Variants in RBFOX1 observed in about 807,000 individuals in gnomAD.
RBFOX1 encodes the protein RNA binding protein fox-1 homolog 1.
A neutral mutation model predicts 57.7 loss-of-function variants in RBFOX1; 8 were observed. That is an observed-to-expected ratio of 0.14 (90% confidence interval 0.08 to 0.25). The LOEUF (loss-of-function observed/expected upper bound fraction) is 0.25, where lower values mean the gene tolerates loss of function less well. Ranked by LOEUF, RBFOX1 falls within the 10% of genes least tolerant of loss-of-function variation. The probability of loss-of-function intolerance (pLI) is 1.00; values close to 1 mark genes in which losing one functional copy is unlikely to be tolerated. For synonymous variants in RBFOX1, 326 were observed against 222.4 expected, an observed-to-expected ratio of 1.47 and a Z score of -4.15; for missense variants, 611 against 548.5, an observed-to-expected ratio of 1.11 and a Z score of -1.14.
intron 4 of RBFOX1, among the ~76,000 whole-genome samples, chr16:7,123,888 C>G (rs746246913): frequency 6.4e-4 from 97 of 152,166 alleles, no homozygotes; most frequent in African/African-American, 2.3e-3. Context: ...TAAGAACATG[C>G]CACAGTCTGC....
rs542476394 is a variant in RBFOX1, at chr16:7,093,586, G to A, written c.27+41488G>A. ...CCCTCATGAACATCTCAAACTTCTCGTTGATTAGAGGGAAACTGGATGGAT... is the reference window on the plus strand; with the variant it reads ...CCCTCATGAACATCTCAAACTTCTCATTGATTAGAGGGAAACTGGATGGAT... On this transcript the variant is annotated intron_variant, in intron 4 of 15. Transcript: ENST00000550418. 1.1e-4 allele frequency among the ~76,000 whole-genome samples: 17 copies of A among 152,262 alleles called. 1 individual carries two copies. The South Asian group carries it at 2.1e-3, about 19-fold the overall frequency.
intron 2 of RBFOX1, among the ~76,000 whole-genome samples, chr16:6,411,789 GA>G (rs2152972151): frequency 6.6e-6 from 1 of 152,292 alleles, no homozygotes; most frequent in East Asian, 1.9e-4. Context: ...CCTGTACAGT[GA>G]CCAGTTTTCA....
intron 4 of RBFOX1, among the ~76,000 whole-genome samples, chr16:5,931,771 A>G (rs941238709): frequency 6.6e-6 from 1 of 152,100 alleles, no homozygotes; most frequent in Non-Finnish European, 1.5e-5. Context: ...TATACCCTGA[A>G]TATTGTTTGG....
chr16:5,266,190 C>A (rs947991539), intron 1 of RBFOX1, among the ~76,000 whole-genome samples: 1 of 152,138 alleles, frequency 6.6e-6, no homozygotes, highest in Non-Finnish European at 1.5e-5. Context: ...AGGGTTTCAG[C>A]TGTGACACTG....
Position 5,716,748 on chromosome 16 carries a change from T to C in RBFOX1, c.318+117787T>C, listed in dbSNP as rs150767758. Among the ~76,000 whole-genome samples, 1,210 of 152,304 alleles carry C rather than the reference T, an allele frequency of 7.9e-3. 24 individuals are homozygous for C. Among genetic ancestry groups the C allele is most frequent in the African/African-American group, 0.028 (1,161 of 41,576 alleles). On this transcript the variant is annotated intron_variant, in intron 3 of 19. Coordinates refer to the RBFOX1 transcript ENST00000641259. ...CATGTGTCTTTATAGTAAAATGATTTATATTCCTTTGGGTACATACCCAGA... is the reference window on the plus strand; with the variant it reads ...CATGTGTCTTTATAGTAAAATGATTCATATTCCTTTGGGTACATACCCAGA...
At chr16:5,741,938 A>G (rs1054961956) in intron 3 of RBFOX1, among the ~76,000 whole-genome samples, 2 of 152,248 alleles carry the variant, frequency 1.3e-5, no homozygotes, top group East Asian at 3.8e-4. Flanking sequence ...GTAGGGATGA[A>G]CGGGAATCAT....
At chr16:6,885,813 G>A (rs773235783) in intron 3 of RBFOX1, among the ~76,000 whole-genome samples, 3 of 152,216 alleles carry the variant, frequency 2.0e-5, no homozygotes, top group Non-Finnish European at 4.4e-5. Context: ...TTACGGGCAT[G>A]AATCACTGCA....
At chr16:6,341,457 G>A (rs1224214263) in intron 2 of RBFOX1, among the ~76,000 whole-genome samples, 1 of 152,162 alleles carries the variant, frequency 6.6e-6, no homozygotes, top group Non-Finnish European at 1.5e-5. Context: ...GATATTTACA[G>A]TTAAGGGAAC....
chr16:7,223,126 A>G (rs1221187028), intron 4 of RBFOX1, among the ~76,000 whole-genome samples: 1 of 152,224 alleles, frequency 6.6e-6, no homozygotes, highest in Non-Finnish European at 1.5e-5. Context: ...GTAGCTCACC[A>G]CATCTACAAG....
At chr16:6,297,933 T>G (rs2078325132) in intron 1 of RBFOX1, among the ~76,000 whole-genome samples, 1 of 152,142 alleles carries the variant, frequency 6.6e-6, no homozygotes, top group Admixed American at 6.5e-5. Flanking sequence ...CACCGCTCAA[T>G]AAAACACCTG....
intron 4 of RBFOX1, among the ~76,000 whole-genome samples, chr16:7,477,791 G>C (rs934795478): frequency 3.9e-5 from 6 of 152,058 alleles, no homozygotes; most frequent in East Asian, 1.9e-4. Context: ...CCACACAGCT[G>C]GGGGGAAGGT....
chr16:6,167,574 G>A (rs1410380387), intron 1 of RBFOX1, among the ~76,000 whole-genome samples: 3 of 152,110 alleles, frequency 2.0e-5, no homozygotes, highest in Non-Finnish European at 4.4e-5. Context: ...AGTCAGTACT[G>A]CCTCTTTTGA....
chr16:5,771,344 A>G (rs919059952), intron 3 of RBFOX1, among the ~76,000 whole-genome samples: 10 of 152,212 alleles, frequency 6.6e-5, no homozygotes, highest in African/African-American at 1.9e-4. Context: ...AGTGAACTCT[A>G]TTCTAGTCAA....
intron 1 of RBFOX1, among the ~76,000 whole-genome samples, chr16:6,166,278 T>A (rs2096916465): frequency 6.6e-6 from 1 of 152,012 alleles, no homozygotes; most frequent in South Asian, 2.1e-4. Flanking sequence ...TCTATGCACA[T>A]AAGGACTCTC....
intron 4 of RBFOX1, among the ~76,000 whole-genome samples, chr16:7,094,115 T>A (rs2061312320): frequency 6.6e-6 from 1 of 150,938 alleles, no homozygotes; most frequent in South Asian, 2.1e-4. Flanking sequence ...CATTTTACAT[T>A]TTGAGTGGTG....
chr16:6,042,667 C>G (rs1363742313), intron 1 of RBFOX1, among the ~76,000 whole-genome samples: 2 of 152,050 alleles, frequency 1.3e-5, no homozygotes, highest in Non-Finnish European at 2.9e-5. Flanking sequence ...GAAACAGTCT[C>G]TGGTGGTCCT....
intron 4 of RBFOX1, among the ~76,000 whole-genome samples, chr16:7,229,506 G>A (rs2093350838): frequency 6.7e-6 from 1 of 150,188 alleles, no homozygotes; most frequent in Non-Finnish European, 1.5e-5. Context: ...AGGAAGGAAG[G>A]AAGGGAAAGG....
chr16:7,075,939 G>T (rs1273348468), intron 4 of RBFOX1, among the ~76,000 whole-genome samples: 1 of 151,768 alleles, frequency 6.6e-6, no homozygotes, highest in Non-Finnish European at 1.5e-5. Context: ...GGCTTTATTT[G>T]AATGAGGCAT....
intron 4 of RBFOX1, among the ~76,000 whole-genome samples, chr16:7,109,419 A>C (rs1015303385): frequency 3.9e-5 from 6 of 152,068 alleles, no homozygotes; most frequent in Admixed American, 6.6e-5. Context: ...TCAGAACCCT[A>C]AGGCAATTTG....
Sources: gnomAD v4.1 joint callset for allele counts (sites outside exome capture counted in the v4.1 genomes callset) on GRCh38, gnomAD v4.1.1 for gene constraint, MANE v1.5 for transcripts, NCBI Gene and HGNC (gene_info 2026-07-23, HGNC 2026-07-21) for gene names.